CDH18: variants seen among roughly 807,000 people sequenced by gnomAD.
CDH18 encodes the protein cadherin-18.
A neutral mutation model predicts 67.9 loss-of-function variants in CDH18; 31 were observed. That is an observed-to-expected ratio of 0.46 (90% CI 0.34 to 0.62). CDH18 has a LOEUF of 0.62. CDH18 is among the 20% of genes least tolerant of loss of function. The pLI is 0.01. For synonymous variants in CDH18, 362 were observed against 347.2 expected (o/e 1.04, Z -0.48); for missense variants, 890 against 975.5 (o/e 0.91, Z 1.17).
At chr5:19,539,749 C>T (rs1256564339) in intron 9 of CDH18, among the ~76,000 whole-genome samples, 1 of 152,164 alleles carries the variant, frequency 6.6e-6, no homozygotes, top group African/African-American at 2.4e-5. Flanking sequence ...TTTCATGAGA[C>T]TTATTCACTA....
chr5:20,120,346 A>T (rs554947235), intron 2 of CDH18, among the ~76,000 whole-genome samples: 20 of 152,150 alleles, frequency 1.3e-4, no homozygotes, highest in Non-Finnish European at 2.5e-4. Flanking sequence ...GCTTTATTCT[A>T]TGGCACTTAC....
intron 5 of CDH18, among the ~76,000 whole-genome samples, chr5:19,622,858 G>A (rs769341885): frequency 6.6e-6 from 1 of 152,072 alleles, no homozygotes; most frequent in Non-Finnish European, 1.5e-5. Context: ...CCAAACCAAC[G>A]TCATACGGAT....
intron 2 of CDH18, among the ~76,000 whole-genome samples, chr5:20,140,248 C>T (rs535888378): frequency 2.0e-5 from 3 of 152,194 alleles, no homozygotes; most frequent in African/African-American, 7.2e-5. Context: ...TGTTCTCACT[C>T]ATAGGTGGGA....
chr5:20,038,729 C>A (rs936161846), intron 2 of CDH18, among the ~76,000 whole-genome samples: 12 of 152,048 alleles, frequency 7.9e-5, no homozygotes, highest in Admixed American at 7.9e-4. Flanking sequence ...AAACCCACAG[C>A]CAATATCATA....
intron 2 of CDH18, among the ~76,000 whole-genome samples, chr5:19,888,048 C>T (rs755763250): frequency 1.5e-4 from 23 of 152,106 alleles, no homozygotes; most frequent in Non-Finnish European, 2.6e-4. Context: ...TCTAATCTCT[C>T]CATTCTATTC....
At chr5:19,654,552 T>C (rs923537258) in intron 5 of CDH18, among the ~76,000 whole-genome samples, 13 of 152,086 alleles carry the variant, frequency 8.5e-5, no homozygotes, top group Non-Finnish European at 1.3e-4. Context: ...GAAAGTGCTA[T>C]TGGGCTCCGG....
At chr5:19,838,449 C>G (rs1241804142) in intron 3 of CDH18, among the ~76,000 whole-genome samples, 2 of 152,050 alleles carry the variant, frequency 1.3e-5, no homozygotes, top group Non-Finnish European at 2.9e-5. Flanking sequence ...GAAAAAATTA[C>G]TTAATTGTGT....
chr5:20,150,218 C>A (rs917428917), intron 2 of CDH18, among the ~76,000 whole-genome samples: 17 of 152,022 alleles, frequency 1.1e-4, no homozygotes, highest in Non-Finnish European at 1.0e-4. Context: ...GATAGCTCCT[C>A]AATTACTTGA....
chr5:19,809,201 T>A lies in CDH18; in HGVS notation c.228+29558A>T, dbSNP rs185048684. ...CAAGCAATCTAGAAACAGTAAGAGA[T>A]AATCCCCAGGGGAGAAAGAAGGGAG... is the stretch of plus-strand genomic sequence containing the variant. On this transcript the variant is annotated intron_variant, in intron 3 of 12. Coordinates refer to ENST00000382275, the MANE Select transcript of CDH18 (RefSeq NM_004934.5). 2.0e-5 allele frequency among the ~76,000 whole-genome samples: 3 copies of A among 152,164 alleles called. No homozygotes were observed. In the East Asian group the frequency reaches 5.8e-4, roughly 30 times the overall value.
At chr5:20,294,567 T>C (rs536133563) in intron 1 of CDH18, among the ~76,000 whole-genome samples, 1 of 152,206 alleles carries the variant, frequency 6.6e-6, no homozygotes, top group Non-Finnish European at 1.5e-5. Flanking sequence ...GAAAGCAGAT[T>C]ACAAAATTTA....
chr5:20,107,564 A>T (rs11750861), intron 2 of CDH18, among the ~76,000 whole-genome samples: 8,911 of 152,236 alleles, frequency 0.059, 289 homozygotes, highest in East Asian at 0.14. Flanking sequence ...ATAACAAAGT[A>T]CCACAGATTG....
chr5:19,489,438 A>G (rs112746525), intron 11 of CDH18, among the ~76,000 whole-genome samples: 5,041 of 151,742 alleles, frequency 0.033, 107 homozygotes, highest in Middle Eastern at 0.068. Context: ...TAGTAGAGAC[A>G]GGGTTTCACC....
intron 10 of CDH18, among the ~76,000 whole-genome samples, chr5:19,512,047 CT>C (rs2126834447): frequency 6.6e-6 from 1 of 152,174 alleles, no homozygotes; most frequent in South Asian, 2.1e-4. Context: ...ACTTGGTGCC[CT>C]GCATCCAAGT....
chr5:20,456,719 G>A (rs2150215765), intron 1 of CDH18, among the ~76,000 whole-genome samples: 1 of 152,080 alleles, frequency 6.6e-6, no homozygotes, highest in East Asian at 1.9e-4. Flanking sequence ...ATGCAAAATG[G>A]CATAAATGCC....
intron 3 of CDH18, among the ~76,000 whole-genome samples, chr5:19,752,231 A>C (rs1231741350): frequency 2.0e-5 from 3 of 151,920 alleles, no homozygotes; most frequent in Non-Finnish European, 4.4e-5. Flanking sequence ...CAGACAGTGG[A>C]AGCACTAAAG....
chr5:19,619,693 A>G (rs2150136095), intron 5 of CDH18, among the ~76,000 whole-genome samples: 1 of 152,326 alleles, frequency 6.6e-6, no homozygotes, highest in South Asian at 2.1e-4. Context: ...CTGAAAGTTT[A>G]AATAATTCTA....
chr5:20,511,071 G>A (rs1755003359), intron 1 of CDH18, among the ~76,000 whole-genome samples: 1 of 152,010 alleles, frequency 6.6e-6, no homozygotes, highest in Non-Finnish European at 1.5e-5. Flanking sequence ...TAGGAGAAAT[G>A]GTGCAGATTG....
intron 2 of CDH18, among the ~76,000 whole-genome samples, chr5:20,239,125 GA>G (rs1175707257): frequency 3.9e-5 from 6 of 151,984 alleles, no homozygotes; most frequent in Non-Finnish European, 8.8e-5. Flanking sequence ...AGGAACTAGG[GA>G]AAAAACAGTA....
chr5:19,808,353 A>T (rs550415427), intron 3 of CDH18, among the ~76,000 whole-genome samples: 1 of 152,128 alleles, frequency 6.6e-6, no homozygotes, highest in African/African-American at 2.4e-5. Context: ...AATGTATTTG[A>T]AGGCCCACTA....
Sources: allele counts gnomAD v4.1 joint callset (sites outside exome capture counted in the v4.1 genomes callset), GRCh38; gene constraint gnomAD v4.1.1; transcripts MANE v1.5; gene names NCBI Gene and HGNC (gene_info 2026-07-23, HGNC 2026-07-21).